CRIM1: variants seen among roughly 807,000 people sequenced by gnomAD.
The protein encoded by CRIM1 is cysteine rich transmembrane BMP regulator 1.
A neutral mutation model predicts 116.4 loss-of-function variants in CRIM1; 32 were observed. The ratio of observed to expected loss-of-function variants is 0.27; its 90% CI spans 0.21 to 0.37. The LOEUF (loss-of-function observed/expected upper bound fraction) is 0.37, where lower values mean the gene tolerates loss of function less well. Among genes scored for constraint, CRIM1 ranks in the 10% least tolerant of loss-of-function variants. The pLI is 1.00. For missense variants in CRIM1, 1,331 were observed against 1,354.8 expected, an observed-to-expected ratio of 0.98 and a Z score of 0.28; for synonymous variants, 590 against 509.2, an observed-to-expected ratio of 1.16 and a Z score of -2.13.
intron 2 of CRIM1, among the ~76,000 whole-genome samples, chr2:36,413,622 A>G (rs1175119750): frequency 6.6e-6 from 1 of 152,204 alleles, no homozygotes; most frequent in Non-Finnish European, 1.5e-5. Flanking sequence ...ATAAAATTAG[A>G]TACCTACACA....
intron 4 of CRIM1, among the ~76,000 whole-genome samples, chr2:36,463,752 G>A (rs184034635): frequency 5.3e-5 from 8 of 152,170 alleles, no homozygotes; most frequent in East Asian, 1.9e-4. Flanking sequence ...CAGCAGCATC[G>A]AAGTTAGGGG....
chr2:36,513,100 G>A (rs1300193045), intron 10 of CRIM1, among the ~76,000 whole-genome samples: 1 of 152,190 alleles, frequency 6.6e-6, no homozygotes, highest in African/African-American at 2.4e-5. Flanking sequence ...CCTTAATGGT[G>A]TTTCTAAGGG....
At chr2:36,381,280 G>A (rs1171930221) in intron 1 of CRIM1, among the ~76,000 whole-genome samples, 2 of 152,236 alleles carry the variant, frequency 1.3e-5, no homozygotes, top group Non-Finnish European at 2.9e-5. Flanking sequence ...AGGTGGGATG[G>A]AGGGAAAGGA....
At chr2:36,420,499 A>C (rs574628728) in intron 2 of CRIM1, among the ~76,000 whole-genome samples, 1 of 152,282 alleles carries the variant, frequency 6.6e-6, no homozygotes, top group South Asian at 2.1e-4. Context: ...AATGATCACC[A>C]GCGTTGTCCC....
At chr2:36,456,988 G>T (rs1677187062) in intron 4 of CRIM1, among the ~76,000 whole-genome samples, 1 of 152,150 alleles carries the variant, frequency 6.6e-6, no homozygotes, top group Non-Finnish European at 1.5e-5. Context: ...TTCTCCTGCA[G>T]CTTATACCAC....
chr2:36,386,220 A>G (rs755084002), intron 1 of CRIM1, among the ~76,000 whole-genome samples: 26 of 152,352 alleles, frequency 1.7e-4, no homozygotes, highest in Non-Finnish European at 3.4e-4. Context: ...GGCAAGAAGC[A>G]TTAACGTGTG....
rs1413966612 is a variant in CRIM1 at position 36,410,590 on chromosome 2, G to C, written c.505+13803G>C. Among the ~76,000 whole-genome samples the C allele has an allele frequency of 2.6e-5, 4 of 151,944 alleles. No homozygotes were observed. In the East Asian group the frequency reaches 7.7e-4, roughly 29 times the overall value. The stretch of plus-strand genomic sequence containing the variant: ...ATGTGTGCCCATGTTCTGTTATTAA[G>C]AGGAAAAGTCCTGAAAATACAAAGA... On this transcript the variant is annotated intron_variant, in intron 2 of 16. Coordinates refer to ENST00000280527, the MANE Select transcript of CRIM1 (RefSeq NM_016441.3).
chr2:36,441,407 C>T lies in CRIM1; in HGVS notation c.655C>T (p.Arg219Cys). 8.7e-6 allele frequency: 14 copies of T among 1,614,150 alleles called. No homozygotes were observed. The highest frequency in any genetic ancestry group is 1.1e-5 in the Non-Finnish European group (13 of 1,180,040). Reference protein sequence around the residue: ...RCVCNPAGCLRKVCQPGNLNI... With the variant: ...RCVCNPAGCLCKVCQPGNLNI... ...CGTGTGCAACCCCGCAGGCTGTCTGCGCAAAGTCTGCCAGCCGGGAAACCT... is the reference window on the plus strand; with the variant it reads ...CGTGTGCAACCCCGCAGGCTGTCTGTGCAAAGTCTGCCAGCCGGGAAACCT... The change falls in exon 3 of 17, where the codon CGC (arginine) becomes TGC (cysteine). Residue 219 changes from arginine (R) to cysteine (C), a missense_variant. Around this residue, in one of 3 missense-constraint regions of CRIM1, gnomAD observed 690 missense variants for 676.0 expected, o/e 1.02. Transcript: ENST00000280527.
At chr2:36,529,248 G>T (rs1210286111) in intron 13 of CRIM1, 3 of 469,510 alleles carry the variant, frequency 6.4e-6, no homozygotes, top group African/African-American at 2.0e-5. Flanking sequence ...TCTGGAGACT[G>T]CTGGCAGAGT....
chr2:36,376,095 C>A (rs369745652), intron 1 of CRIM1, among the ~76,000 whole-genome samples: 1 of 152,172 alleles, frequency 6.6e-6, no homozygotes. Flanking sequence ...GCCTGGACTT[C>A]CCTAAGCTTA....
At position 36,536,663 on chromosome 2, in the gene CRIM1, T is replaced by G. The variant is rs114298789; in HGVS notation, c.2429-689T>G. On this transcript the variant is annotated intron_variant, in intron 13 of 16. Transcript: ENST00000280527. ...GCGTTGAGTCCCAGAGAAAGGAACCTTCAAGGAGAAGCTTGGAAGAGGGAG... is the reference window on the plus strand; with the variant it reads ...GCGTTGAGTCCCAGAGAAAGGAACCGTCAAGGAGAAGCTTGGAAGAGGGAG... 5.9e-3 allele frequency among the ~76,000 whole-genome samples: 904 copies of G among 152,222 alleles called. 7 individuals are homozygous for G. The highest frequency in any genetic ancestry group is 0.018 in the African/African-American group (766 of 41,514).
At chr2:36,361,256 T>C (rs1278521055) in intron 1 of CRIM1, among the ~76,000 whole-genome samples, 1 of 152,192 alleles carries the variant, frequency 6.6e-6, no homozygotes. Context: ...TTCACACATA[T>C]TGTACACTGA....
At chr2:36,541,901 C>T (rs922077000) in intron 14 of CRIM1, among the ~76,000 whole-genome samples, 2 of 152,258 alleles carry the variant, frequency 1.3e-5, no homozygotes, top group South Asian at 2.1e-4. Context: ...TGGGTCTAGG[C>T]GTGGAAACAA....
intron 5 of CRIM1, among the ~76,000 whole-genome samples, chr2:36,467,902 A>T (rs1371431899): frequency 6.6e-6 from 1 of 152,272 alleles, no homozygotes; most frequent in African/African-American, 2.4e-5. Flanking sequence ...AATGGATTTC[A>T]TCCCACTGAA....
intron 16 of CRIM1, among the ~76,000 whole-genome samples, chr2:36,547,618 CAAA>C (rs1667444796): frequency 6.6e-6 from 1 of 151,946 alleles, no homozygotes; most frequent in South Asian, 2.1e-4. Flanking sequence ...ATACAAAAGG[CAAA>C]AGGAACAGGT....
At chr2:36,423,588 G>A (rs1674233951) in intron 2 of CRIM1, among the ~76,000 whole-genome samples, 1 of 152,282 alleles carries the variant, frequency 6.6e-6, no homozygotes, top group Non-Finnish European at 1.5e-5. Context: ...GGATCGGAAG[G>A]CTTTGTAAAC....
chr2:36,400,286 T>C (rs955097155), intron 2 of CRIM1, among the ~76,000 whole-genome samples: 4 of 152,130 alleles, frequency 2.6e-5, no homozygotes, highest in Non-Finnish European at 5.9e-5. Context: ...AAAGTTATTA[T>C]TGGTTGTAAT....
At chr2:36,539,519 C>T (rs1039335258) in intron 14 of CRIM1, among the ~76,000 whole-genome samples, 5 of 152,138 alleles carry the variant, frequency 3.3e-5, no homozygotes, top group Admixed American at 1.3e-4. Flanking sequence ...ATCTGACTTA[C>T]CTTTGAATGG....
chr2:36,483,517 A>G (rs1241961332), intron 7 of CRIM1, among the ~76,000 whole-genome samples: 2 of 152,176 alleles, frequency 1.3e-5, no homozygotes, highest in African/African-American at 2.4e-5. Flanking sequence ...TTCGGAGGCC[A>G]TGTAATTTGC....
Sources: gnomAD v4.1 joint callset for allele counts (sites outside exome capture counted in the v4.1 genomes callset) on GRCh38, gnomAD v4.1.1 for gene constraint, gnomAD v4.1.1 regional missense constraint, MANE v1.5 for transcripts, NCBI Gene and HGNC (gene_info 2026-07-23, HGNC 2026-07-21) for gene names.